Variants in PLEKHG2 observed in about 807,000 individuals in gnomAD.
The protein encoded by PLEKHG2 is pleckstrin homology domain-containing family G member 2.
PLEKHG2 carries 71 observed loss-of-function variants against 104.4 expected under a neutral mutation model. That is an observed-to-expected ratio of 0.68 (90% CI 0.56 to 0.83). PLEKHG2 has a LOEUF of 0.83. PLEKHG2 is among the 40% of genes least tolerant of loss of function. The pLI is 0.00. For synonymous variants in PLEKHG2, 728 were observed against 737.0 expected, an observed-to-expected ratio of 0.99 and a Z score of 0.20; for missense variants, 1,730 against 1,809.4, an observed-to-expected ratio of 0.96 and a Z score of 0.80.
In PLEKHG2 at chr19:39,417,828, C is replaced by T. The variant is rs1030341293; in HGVS notation, c.883-77C>T. 37 of 1,496,650 alleles carry T rather than the reference C, an allele frequency of 2.5e-5. No homozygotes were observed. In the African/African-American group the frequency reaches 5.1e-4, roughly 21 times the overall value. 92.7% of individuals were successfully genotyped at this position (1,496,650 alleles called of 1,614,324 possible). On this transcript the variant is annotated intron_variant, in intron 8 of 18. Coordinates refer to ENST00000425673, the MANE Select transcript of PLEKHG2 (RefSeq NM_022835.3). ...ACAGCATGGCCCTGTTGCTAACCCC[C>T]TGTTTTGGTGTGTATGTGTGTGCCA... is the stretch of plus-strand genomic sequence containing the variant.
intron 11 of PLEKHG2, 35 bp from the exon 12 acceptor site, chr19:39,420,591 C>G: frequency 1.1e-5 from 17 of 1,613,938 alleles, no homozygotes; most frequent in Non-Finnish European, 1.4e-5. Flanking sequence ...ACTCCAAGAT[C>G]GACCCACCTC....
In PLEKHG2 at chr19:39,422,137, T is replaced by G; in HGVS notation, c.1526T>G (p.Leu509Arg). The G allele has an allele frequency of 6.2e-7, 1 of 1,611,026 alleles. No homozygotes were observed. Among genetic ancestry groups the G allele is most frequent in the African/African-American group, 1.3e-5 (1 of 74,800 alleles). ...CAGCACGCTGGCAGCGAAGGGGAAC[T>G]CTACCCTCCAGAATCTCAGCCACCA... Reference protein sequence around the residue: ...GFKHAGSEGELYPPESQPPVS... With the variant: ...GFKHAGSEGERYPPESQPPVS... The change falls in exon 17 of 19, where the codon CTC (leucine) becomes CGC (arginine). Residue 509 changes from leucine to arginine, a missense_variant. Leu to Arg is a moderately radical substitution (Grantham distance 102). Coordinates refer to ENST00000425673, the MANE Select transcript of PLEKHG2 (RefSeq NM_022835.3).
rs1441355787 is a variant in PLEKHG2, at chr19:39,414,043, CAAG to C, written c.-22-18_-22-16del. The C allele has an allele frequency of 6.6e-7, 1 of 1,516,710 alleles. No individual in the cohort carries two copies. The highest frequency in any genetic ancestry group is 8.9e-7 in the Non-Finnish European group (1 of 1,117,968). The allele number at this position is 1,516,710 out of a possible 1,614,324, so 94.0% of individuals were successfully genotyped here. A position where few individuals can be genotyped will look rare whatever the true frequency, so the allele number is the denominator to read the frequency against. On this transcript the variant is annotated intron_variant, in intron 1 of 18. Transcript: ENST00000425673. The stretch of plus-strand genomic sequence containing the variant: ...GAGAGGCCCATGGGGTCCTGATATC[CAAG>C]AAGGGGCTCTTTCTGCAGGACTCTG...
Position 39,413,838 on chromosome 19 carries a change from G to T in PLEKHG2, c.-22-227G>T. 3.4e-6 allele frequency: 1 copy of T among 297,138 alleles called. No homozygotes were observed. The highest frequency in any genetic ancestry group is 6.5e-6 in the Non-Finnish European group (1 of 154,338). The allele number at this position is 297,138 out of a possible 1,614,324, so 18.4% of individuals were successfully genotyped here. On this transcript the variant is annotated intron_variant, in intron 1 of 18. Coordinates refer to ENST00000425673, the MANE Select transcript of PLEKHG2 (RefSeq NM_022835.3). The surrounding 1 kb of genome is among the most constrained non-coding windows in gnomAD (Gnocchi z 4.5). ...GACAAACGGGACTCGCAGCTTCTGC[G>T]CCTCCTGCTCCGCTCACTCTTCTTT...
intron 2 of PLEKHG2, 101 bp downstream of exon 2, chr19:39,414,296 A>G: frequency 8.2e-7 from 1 of 1,225,226 alleles, no homozygotes; most frequent in Non-Finnish European, 1.2e-6. Flanking sequence ...AACTCGCACA[A>G]AGCTCCGAGT....
rs971368657 is a variant in PLEKHG2, at chr19:39,421,275, A to G, written c.1487-8A>G. ...ATGCTTCTCTCTCTCTCATCTCTCC[A>G]TCCTTAGCTAAGCCTGGATTCAAGG... On this transcript the variant is annotated splice_region_variant and splice_polypyrimidine_tract_variant and intron_variant, in intron 15 of 18. Coordinates refer to ENST00000425673, the MANE Select transcript of PLEKHG2 (RefSeq NM_022835.3). 3.1e-6 allele frequency: 5 copies of G among 1,613,438 alleles called. No homozygotes were observed. The highest frequency in any genetic ancestry group is 4.2e-6 in the Non-Finnish European group (5 of 1,179,674).
In PLEKHG2 at chr19:39,416,150, G is replaced by A. The variant is rs1747663798; in HGVS notation, c.480-198G>A. 6.6e-6 allele frequency among the ~76,000 whole-genome samples: 1 copy of A among 152,088 alleles called. No individual in the cohort carries two copies. Among genetic ancestry groups the A allele is most frequent in the African/African-American group, 2.4e-5 (1 of 41,402 alleles). ...AGCTGAGGAATGAGAAGCTGTCCAG[G>A]GACAAAGTCTAAGCAGGTTACCATG... On this transcript the variant is annotated intron_variant, in intron 4 of 18. Transcript: ENST00000425673. This position sits in a 1 kb window ranked among gnomAD's most constrained non-coding sequence, Gnocchi z 4.5.
Position 39,425,005 on chromosome 19 carries a change from C to T in PLEKHG2, c.3872C>T (p.Ala1291Val). The stretch of plus-strand genomic sequence containing the variant: ...GCCTCATATATCAGCCAGAGCCTGG[C>T]TCGGCGGCAGGGGCCTGGGGGAGGG... ...LAASYISQSLARRQGPGGGAP... is the reference protein window; with the variant it reads ...LAASYISQSLVRRQGPGGGAP... The change falls in exon 19 of 19, where the codon GCT (alanine) becomes GTT (valine). Residue 1291 changes from alanine to valine, a missense_variant. Ala to Val is a moderately conservative substitution (Grantham distance 64). Transcript: ENST00000425673. 2 of 1,609,410 alleles carry T rather than the reference C, an allele frequency of 1.2e-6. No individual in the cohort carries two copies. The highest frequency in any genetic ancestry group is 1.7e-6 in the Non-Finnish European group (2 of 1,177,136).
rs750492871 is a variant in PLEKHG2, at chr19:39,416,577, G to C, written c.573G>C (p.Leu191Phe). ...GCGAGGATTTTGACATCTACACATTGTACTGCATGAACTACCCGAGGTGAG... is the reference window on the plus strand; with the variant it reads ...GCGAGGATTTTGACATCTACACATTCTACTGCATGAACTACCCGAGGTGAG... ...QRSEDFDIYT[L>F]YCMNYPSSLA... The change falls in exon 6 of 19, where the codon TTG (leucine) becomes TTC (phenylalanine). Residue 191 changes from leucine to phenylalanine, a missense_variant. Transcript: ENST00000425673. This position sits in a 1 kb window ranked among gnomAD's most constrained non-coding sequence, Gnocchi z 4.5. The C allele has an allele frequency of 1.2e-6, 2 of 1,613,936 alleles. No homozygotes were observed. The highest frequency in any genetic ancestry group is 4.5e-5 in the East Asian group (2 of 44,862).
At position 39,422,733 on chromosome 19, in the gene PLEKHG2, C is replaced by T. The variant is rs150784328; in HGVS notation, c.1679C>T (p.Pro560Leu). 256 of 1,519,332 alleles carry T rather than the reference C, an allele frequency of 1.7e-4. 1 individual carries two copies. The highest frequency in any genetic ancestry group is 3.6e-4 in the Admixed American group (16 of 44,196). 94.1% of individuals were successfully genotyped at this position (1,519,332 alleles called of 1,614,324 possible). The change falls in exon 18 of 19, where the codon CCG (proline) becomes CTG (leucine). Residue 560 changes from proline (P) to leucine (L), a missense_variant and splice_region_variant. By Grantham distance (98) the Pro-to-Leu change is moderately conservative (BLOSUM62 -3). Transcript: ENST00000425673. The part of the protein sequence containing the change: ...LNQRGLRDPG[P>L]STHDIPKFPG... ...CTTGTTCTCCTGTGCCCACTATAGC[C>T]GTCCACCCATGACATTCCCAAGTTC...
Position 39,414,066 on chromosome 19 carries a change from ACT to A in PLEKHG2, c.-18_-17del. On this transcript the variant is annotated splice_region_variant and 5_prime_UTR_variant, in exon 2 of 19. Transcript: ENST00000425673. ...TCCAAGAAGGGGCTCTTTCTGCAGG[ACT>A]CTGCTGGGCCGCTCAGCCATGCCTG... 3 of 1,546,002 alleles carry A rather than the reference ACT, an allele frequency of 1.9e-6. No individual in the cohort carries two copies. Among genetic ancestry groups the A allele is most frequent in the Non-Finnish European group, 2.6e-6 (3 of 1,143,166 alleles).
rs959927978 is a variant in PLEKHG2 at position 39,428,150 on chromosome 19, A to T, written c.*2856A>T. 1 of 152,260 alleles carries T rather than the reference A, an allele frequency of 6.6e-6. No individual in the cohort carries two copies. The highest frequency in any genetic ancestry group is 2.4e-5 in the African/African-American group (1 of 41,454). The allele number at this position is 152,260 out of a possible 1,614,324, so 9.4% of individuals were successfully genotyped here. On this transcript the variant is annotated 3_prime_UTR_variant, in exon 19 of 19. Transcript: ENST00000425673. ...CTTGAACCTGGGAGGTGGAGGTTGC[A>T]GTGAACCGAGATTGCGCCACTAGAC...
Position 39,423,203 on chromosome 19 carries a change from A to G in PLEKHG2, c.2149A>G (p.Asn717Asp). The G allele has an allele frequency of 6.2e-7, 1 of 1,612,672 alleles. No homozygotes were observed. The highest frequency in any genetic ancestry group is 8.5e-7 in the Non-Finnish European group (1 of 1,178,890). Reference sequence around the variant, plus strand: ...CAGGAGAGAACTGTTTTCTGGGAGCAATCCTGGGAAACTGGGAGAGCCGCC... The same window carrying G: ...CAGGAGAGAACTGTTTTCTGGGAGCGATCCTGGGAAACTGGGAGAGCCGCC... ...ATRRELFSGS[N>D]PGKLGEPPSG... The change falls in exon 18 of 19, where the codon AAT becomes GAT. Residue 717 changes from asparagine to aspartate, a missense_variant. Transcript: ENST00000425673.
rs138381022 is a variant in PLEKHG2, at chr19:39,423,384, G to A, written c.2330G>A (p.Gly777Glu). 6 of 1,612,324 alleles carry A rather than the reference G, an allele frequency of 3.7e-6. No individual in the cohort carries two copies. Among genetic ancestry groups the A allele is most frequent in the South Asian group, 3.3e-5 (3 of 90,888 alleles). Residue 777 changes from glycine to glutamate, a missense_variant, in exon 18 of 19, where the codon GGA (glycine) becomes GAA (glutamate). By Grantham distance (98) the Gly-to-Glu change is moderately conservative. Transcript: ENST00000425673. ...IRSAWQALEQ[G>E]QLARPGFPEP... is the part of the protein sequence containing the mutation. ...AGCGCCTGGCAGGCATTGGAACAGG[G>A]ACAGCTGGCCCGGCCAGGCTTCCCA... is the stretch of plus-strand genomic sequence containing the variant.
intron 15 of PLEKHG2, 49 bp downstream of exon 15, chr19:39,421,162 G>GT (rs1246103975): frequency 6.2e-7 from 1 of 1,613,114 alleles, no homozygotes; most frequent in Non-Finnish European, 8.5e-7. Flanking sequence ...CTGTCGCCCG[G>GT]TGGGATGTCT....
At chr19:39,418,623 A>T in intron 9 of PLEKHG2, 111 bp from the exon 10 acceptor site, 1 of 781,234 alleles carries the variant, frequency 1.3e-6, no homozygotes. Context: ...GCCTTATGGG[A>T]TGCATCTTCC....
rs2277743 is a variant in PLEKHG2 at position 39,416,396 on chromosome 19, C to T, written c.528C>T (p.Ala176=). The change falls in exon 5 of 19, where the codon GCC becomes GCT. Residue 176 remains alanine, a synonymous_variant. Coordinates refer to ENST00000425673, the MANE Select transcript of PLEKHG2 (RefSeq NM_022835.3). This position sits in a 1 kb window ranked among gnomAD's most constrained non-coding sequence, Gnocchi z 4.5. The part of the protein sequence containing the change: ...LENSSSAGGI[A]ECFVQRSEDF... The stretch of plus-strand genomic sequence containing the variant: ...ACAGCAGCAGCGCCGGGGGTATTGC[C>T]GAGTGCTTCGTGCAGAGGGTGAGTG... The T allele has an allele frequency of 0.18, 294,676 of 1,612,044 alleles. 28,078 individuals are homozygous for T. The highest frequency in any genetic ancestry group is 0.23 in the South Asian group (21,231 of 90,996).
At position 39,424,135 on chromosome 19, in the gene PLEKHG2, C is replaced by T. The variant is rs2078746091; in HGVS notation, c.3002C>T (p.Ser1001Phe). Residue 1001 changes from serine (S) to phenylalanine (F), a missense_variant, in exon 19 of 19, where the codon TCC becomes TTC. Physicochemically the swap from Ser to Phe is radical, Grantham distance 155. Transcript: ENST00000425673. ...HRSHMVIPAP[S>F]TAFCPEQGHC... is the part of the protein sequence containing the mutation. ...AGTCACATGGTTATACCAGCTCCAT[C>T]CACCGCCTTTTGTCCTGAGCAGGGA... is the stretch of plus-strand genomic sequence containing the variant. The T allele has an allele frequency of 6.2e-7, 1 of 1,614,118 alleles. No homozygotes were observed. Among genetic ancestry groups the T allele is most frequent in the East Asian group, 2.2e-5 (1 of 44,874 alleles).
Position 39,415,784 on chromosome 19 carries a change from G to A in PLEKHG2, c.479+345G>A, listed in dbSNP as rs1047673578. ...GGACAGGGTCCCGGCATCAGGACGA[G>A]TCCTTGGGGCTGTGTCAGGTCTGGG... On this transcript the variant is annotated intron_variant, in intron 4 of 18. Transcript: ENST00000425673. The surrounding 1 kb of genome is among the most constrained non-coding windows in gnomAD (Gnocchi z 4.6). Among the ~76,000 whole-genome samples the A allele has an allele frequency of 6.6e-6, 1 of 152,190 alleles. No individual in the cohort carries two copies. The highest frequency in any genetic ancestry group is 2.4e-5 in the African/African-American group (1 of 41,428).
Sources: allele counts gnomAD v4.1 joint callset (sites outside exome capture counted in the v4.1 genomes callset), GRCh38; gene constraint gnomAD v4.1.1; non-coding constraint Gnocchi (gnomAD v3.1); transcripts MANE v1.5; gene names NCBI Gene and HGNC (gene_info 2026-07-23, HGNC 2026-07-21).